MYH10: variants seen among roughly 807,000 people sequenced by gnomAD.
MYH10 encodes myosin-10.
A neutral mutation model predicts 257.8 loss-of-function variants in MYH10; 55 were observed. That is an observed-to-expected ratio of 0.21 (90% CI 0.17 to 0.27). MYH10 has a LOEUF of 0.27. Ranked by LOEUF, MYH10 falls within the 10% of genes least tolerant of loss-of-function variation. The pLI is 1.00. For synonymous variants in MYH10, 854 were observed against 921.7 expected (o/e 0.93, Z 1.33); for missense variants, 1,631 against 2,500.6 (o/e 0.65, Z 7.42).
intron 26 of MYH10, among the ~76,000 whole-genome samples, chr17:8,507,836 T>C (rs929488295): frequency 2.6e-4 from 40 of 152,004 alleles, no homozygotes; most frequent in African/African-American, 9.2e-4. Context: ...CCAGGTGTGG[T>C]TGGTGCATGC....
At chr17:8,592,970 T>TA (rs1567953277) in intron 3 of MYH10, among the ~76,000 whole-genome samples, 2 of 121,968 alleles carry the variant, frequency 1.6e-5, no homozygotes, top group Admixed American at 8.3e-5. Flanking sequence ...TATATATATA[T>TA]AAAAGATGAT....
Position 8,623,267 on chromosome 17 carries a change from A to C in MYH10, c.-21T>G, listed in dbSNP as rs781292051. The C allele has an allele frequency of 3.9e-6, 6 of 1,555,070 alleles. No individual in the cohort carries two copies. The highest frequency in any genetic ancestry group is 5.2e-6 in the Non-Finnish European group (6 of 1,153,728). On this transcript the variant is annotated 5_prime_UTR_variant, in exon 2 of 43. Coordinates refer to ENST00000360416, the MANE Select transcript of MYH10 (RefSeq NM_001256012.3). ...GCCATTGTAAATGGAACGATCCAAA[A>C]GCAATTGCCTCTAAGAGAAGAGGAG...
intron 2 of MYH10, among the ~76,000 whole-genome samples, chr17:8,612,104 C>T (rs139297292): frequency 6.0e-4 from 91 of 152,276 alleles, no homozygotes; most frequent in Middle Eastern, 3.4e-3. Context: ...GTGCACAGAC[C>T]GTGAATTATC....
At chr17:8,591,434 G>A (rs921834302) in intron 3 of MYH10, among the ~76,000 whole-genome samples, 1 of 152,096 alleles carries the variant, frequency 6.6e-6, no homozygotes, top group Non-Finnish European at 1.5e-5. Flanking sequence ...CTATAAATGA[G>A]GCATTTATTC....
chr17:8,504,650 G>A lies in MYH10; in HGVS notation c.3599+44C>T. On this transcript the variant is annotated intron_variant, in intron 28 of 42. Transcript: ENST00000360416. The surrounding 1 kb of genome is among the most constrained non-coding windows in gnomAD (Gnocchi z 5.6). ...GGCATTTCTGCACGGGCTCGGTGGA[G>A]AGGTCGGCAGGCGCCCGGGCCCTGC... 6.4e-7 allele frequency: 1 copy of A among 1,561,824 alleles called. No individual in the cohort carries two copies. Among genetic ancestry groups the A allele is most frequent in the South Asian group, 1.1e-5 (1 of 88,914 alleles).
Position 8,492,520 on chromosome 17 carries a change from G to A in MYH10, c.4459-11C>T. 6.3e-7 allele frequency: 1 copy of A among 1,593,812 alleles called. No homozygotes were observed. The highest frequency in any genetic ancestry group is 8.5e-7 in the Non-Finnish European group (1 of 1,170,502). ...CTCTTCTGCTAACAGCTGTGCAGAA[G>A]GGGATGGGGGAATACGAAAAACCGA... On this transcript the variant is annotated splice_polypyrimidine_tract_variant and intron_variant, in intron 33 of 42. Coordinates refer to ENST00000360416, the MANE Select transcript of MYH10 (RefSeq NM_001256012.3).
At chr17:8,478,099 A>G (rs186760170) in intron 41 of MYH10, among the ~76,000 whole-genome samples, 3 of 152,340 alleles carry the variant, frequency 2.0e-5, no homozygotes, top group Non-Finnish European at 1.5e-5. Flanking sequence ...ATTCTAGTGG[A>G]GGAAGCAGGA....
chr17:8,594,553 A>G (rs187093663), intron 3 of MYH10, among the ~76,000 whole-genome samples: 29 of 152,350 alleles, frequency 1.9e-4, no homozygotes, highest in African/African-American at 7.0e-4. Context: ...CACATCTACC[A>G]TATGACCCAG....
chr17:8,508,586 T>C lies in MYH10; in HGVS notation c.3182A>G (p.Asn1061Ser). Residue 1061 changes from asparagine (N) to serine (S), a missense_variant, in exon 26 of 43, where the codon AAT (asparagine) becomes AGT (serine). Physicochemically the swap from Asn to Ser is conservative, Grantham distance 46. Coordinates refer to ENST00000360416, the MANE Select transcript of MYH10 (RefSeq NM_001256012.3). Reference protein sequence around the residue: ...EKAKNLAKIRNKQEVMISDLE... With the variant: ...EKAKNLAKIRSKQEVMISDLE... The stretch of plus-strand genomic sequence containing the variant: ...ATCTGAGATCATCACTTCTTGCTTA[T>C]TCCTGATTTTGGCCAAGTTTTTCGC... 6.2e-7 allele frequency: 1 copy of C among 1,614,176 alleles called. No individual in the cohort carries two copies. Among genetic ancestry groups the C allele is most frequent in the East Asian group, 2.2e-5 (1 of 44,882 alleles).
At chr17:8,522,699 G>A (rs184868678) in intron 17 of MYH10, among the ~76,000 whole-genome samples, 159 of 152,248 alleles carry the variant, frequency 1.0e-3, no homozygotes, top group Middle Eastern at 6.8e-3. Flanking sequence ...TCTTTCTTGA[G>A]TAGTTCACAC....
chr17:8,533,416 C>T lies in MYH10; in HGVS notation c.1894+1971G>A, dbSNP rs79764257. Reference sequence around the variant, plus strand: ...ACTCCTCCTGAGCTATGATTTTCCACCTCTCCACTGTGATCATTCTGTACT... The same window carrying T: ...ACTCCTCCTGAGCTATGATTTTCCATCTCTCCACTGTGATCATTCTGTACT... On this transcript the variant is annotated intron_variant, in intron 16 of 42. Coordinates refer to ENST00000360416, the MANE Select transcript of MYH10 (RefSeq NM_001256012.3). 7.1e-3 allele frequency among the ~76,000 whole-genome samples: 1,078 copies of T among 152,274 alleles called. 13 individuals are homozygous for T. Among genetic ancestry groups the T allele is most frequent in the African/African-American group, 0.025 (1,022 of 41,540 alleles).
In MYH10 at chr17:8,590,603, C is replaced by T. The variant is rs149933379; in HGVS notation, c.503-1495G>A. Among the ~76,000 whole-genome samples, 412 of 152,198 alleles carry T rather than the reference C, an allele frequency of 2.7e-3. 3 individuals carry two copies. The highest frequency in any genetic ancestry group is 0.02 in the South Asian group (95 of 4,810). ...TTGGGATTACAGGTGTGAGCCATGG[C>T]ACCCGGCCCTAATTTCATTCTAATA... On this transcript the variant is annotated intron_variant, in intron 3 of 42. Transcript: ENST00000360416.
chr17:8,629,361 C>A (rs1214974236), intron 1 of MYH10, among the ~76,000 whole-genome samples: 1 of 150,352 alleles, frequency 6.7e-6, no homozygotes, highest in Non-Finnish European at 1.5e-5. Context: ...CACCCCACCC[C>A]CTTCCATCCA....
intron 7 of MYH10, among the ~76,000 whole-genome samples, chr17:8,555,041 T>C (rs1331036041): frequency 6.6e-6 from 1 of 150,684 alleles, no homozygotes; most frequent in Admixed American, 6.6e-5. Flanking sequence ...GAGGCGGAGG[T>C]TGCAGTGAGC....
intron 28 of MYH10, among the ~76,000 whole-genome samples, chr17:8,502,655 T>C (rs2080933658): frequency 6.6e-6 from 1 of 152,130 alleles, no homozygotes; most frequent in South Asian, 2.1e-4. Context: ...TGTTACTTTA[T>C]ACTAATCATG....
Position 8,602,450 on chromosome 17 carries a change from C to G in MYH10, c.502+2376G>C, listed in dbSNP as rs546486441. Reference sequence around the variant, plus strand: ...TCCATTCACATTTGTAATTGAAGACCTAGATTGATTGGCATTGGTAGCCGG... The same window carrying G: ...TCCATTCACATTTGTAATTGAAGACGTAGATTGATTGGCATTGGTAGCCGG... On this transcript the variant is annotated intron_variant, in intron 3 of 42. Transcript: ENST00000360416. 2.0e-5 allele frequency among the ~76,000 whole-genome samples: 3 copies of G among 152,280 alleles called. No individual in the cohort carries two copies. The South Asian group carries it at 6.2e-4, about 32-fold the overall frequency.
intron 4 of MYH10, among the ~76,000 whole-genome samples, chr17:8,579,277 T>TAA (rs5819200): frequency 3.4e-5 from 5 of 145,448 alleles, no homozygotes; most frequent in African/African-American, 1.0e-4. Flanking sequence ...AGACCCTGTC[T>TAA]AAAAAAAAAA....
chr17:8,586,374 C>T (rs988034891), intron 4 of MYH10, among the ~76,000 whole-genome samples: 3 of 152,150 alleles, frequency 2.0e-5, no homozygotes, highest in African/African-American at 7.2e-5. Flanking sequence ...AAGTTTTCCT[C>T]CCAACATAAA....
chr17:8,517,877 T>A (rs1201100348), intron 21 of MYH10, among the ~76,000 whole-genome samples: 1 of 152,186 alleles, frequency 6.6e-6, no homozygotes, highest in Non-Finnish European at 1.5e-5. Flanking sequence ...GCTGCCAGAC[T>A]CTTGCCAGGA....
Sources: allele counts gnomAD v4.1 joint callset (sites outside exome capture counted in the v4.1 genomes callset), GRCh38; gene constraint gnomAD v4.1.1; non-coding constraint Gnocchi (gnomAD v3.1); transcripts MANE v1.5; gene names NCBI Gene and HGNC (gene_info 2026-07-23, HGNC 2026-07-21).